The following GARIN1A variants were observed in gnomAD, a reference collection of about 807,000 sequenced individuals.
GARIN1A encodes Golgi-associated RAB2 interactor protein 1A.
chr7:128,695,566 A>C, the GARIN1A span, among the ~76,000 whole-genome samples: 2 of 152,106 alleles, frequency 1.3e-5, no homozygotes, highest in Non-Finnish European at 1.5e-5. This position sits in a 1 kb window ranked among gnomAD's most constrained non-coding sequence, Gnocchi z 4.5. Context: ...TTGAGACGGG[A>C]GTCTTGCTCT....
At chr7:128,690,904 G>T in the GARIN1A span, 3 of 152,076 alleles carry the variant, frequency 2.0e-5, no homozygotes, top group Admixed American at 6.6e-5. Context: ...ATACATCTCC[G>T]CAAAGATCAA....
chr7:128,700,292 T>TG, the GARIN1A span, among the ~76,000 whole-genome samples: 1 of 151,378 alleles, frequency 6.6e-6, no homozygotes, highest in Non-Finnish European at 1.5e-5. Flanking sequence ...TTGTTTTTTT[T>TG]TTTTTTGAAA....
the GARIN1A span, among the ~76,000 whole-genome samples, chr7:128,697,109 T>C: frequency 1.3e-5 from 2 of 152,062 alleles, no homozygotes; most frequent in Admixed American, 6.5e-5. Context: ...AAAACCTATT[T>C]AATAAGTGGG....
the GARIN1A span, among the ~76,000 whole-genome samples, chr7:128,707,347 G>T: frequency 6.6e-6 from 1 of 151,872 alleles, no homozygotes; most frequent in African/African-American, 2.4e-5. Flanking sequence ...TAAATCTCTA[G>T]AACTCATTCA....
At chr7:128,701,367 GAGGGGAAGGGGAGGGA>G in the GARIN1A span, among the ~76,000 whole-genome samples, 3 of 40,942 alleles carry the variant, frequency 7.3e-5, no homozygotes, top group Non-Finnish European at 1.5e-4. Flanking sequence ...AAGGGGAGGG[GAGGGGAAGGGGAGGGA>G]GAGGGGAGGG....
chr7:128,692,248 C>T, the GARIN1A span, among the ~76,000 whole-genome samples: 1 of 152,126 alleles, frequency 6.6e-6, no homozygotes, highest in Non-Finnish European at 1.5e-5. Context: ...TGTGTACCTG[C>T]CAGTGCCTGG....
chr7:128,703,157 A>G, the GARIN1A span, among the ~76,000 whole-genome samples: 1 of 152,260 alleles, frequency 6.6e-6, no homozygotes, highest in Non-Finnish European at 1.5e-5. Flanking sequence ...ATCAGTAAAA[A>G]TACAGAAAAT....
chr7:128,675,209 CA>C, the GARIN1A span, among the ~76,000 whole-genome samples: 12 of 152,212 alleles, frequency 7.9e-5, no homozygotes, highest in Non-Finnish European at 8.8e-5. Context: ...ATAGCCCCTC[CA>C]TCATCCTGGG....
the GARIN1A span, chr7:128,672,181 CTT>C: frequency 9.1e-6 from 4 of 441,890 alleles, no homozygotes; most frequent in East Asian, 3.8e-5. Context: ...CCTTCCTCTT[CTT>C]TTTTTTTTCC....
the GARIN1A span, among the ~76,000 whole-genome samples, chr7:128,705,844 C>T: frequency 1.3e-5 from 2 of 151,716 alleles, no homozygotes; most frequent in Admixed American, 1.3e-4. Context: ...TTTGTAGAGA[C>T]AGGGTCTCGC....
the GARIN1A span, among the ~76,000 whole-genome samples, chr7:128,689,375 C>G: frequency 1.3e-5 from 2 of 151,888 alleles, no homozygotes; most frequent in Non-Finnish European, 2.9e-5. Flanking sequence ...TGCCCGGCCG[C>G]CCATCGTCTG....
At chr7:128,695,796 G>T in the GARIN1A span, among the ~76,000 whole-genome samples, 448 of 151,816 alleles carry the variant, frequency 3.0e-3, 2 homozygotes, top group African/African-American at 0.01. The surrounding 1 kb of genome is among the most constrained non-coding windows in gnomAD (Gnocchi z 4.5). Flanking sequence ...TGTCCGCCTC[G>T]GCCTCCCAAA....
At chr7:128,675,723 G>A in the GARIN1A span, 71 of 1,613,732 alleles carry the variant, frequency 4.4e-5, 1 homozygote, top group Admixed American at 5.3e-4. Context: ...GTCTGCCACC[G>A]TGATCCTCGG....
chr7:128,677,892 G>T, the GARIN1A span: 1 of 1,220,648 alleles, frequency 8.2e-7, no homozygotes, highest in South Asian at 1.6e-5. Flanking sequence ...TATATATATA[G>T]ACTTGTTTCC....
the GARIN1A span, chr7:128,687,872 A>G: frequency 1.3e-5 from 2 of 152,146 alleles, no homozygotes; most frequent in Non-Finnish European, 2.9e-5. Flanking sequence ...GTTTTGGTTC[A>G]TTGAATCTCT....
At chr7:128,695,180 C>T in the GARIN1A span, among the ~76,000 whole-genome samples, 1 of 152,214 alleles carries the variant, frequency 6.6e-6, no homozygotes, top group Non-Finnish European at 1.5e-5. The surrounding 1 kb of genome is among the most constrained non-coding windows in gnomAD (Gnocchi z 4.5). Context: ...GCTCCCATCC[C>T]ACCCCAGGCC....
At chr7:128,691,792 G>GT in the GARIN1A span, 1 of 152,426 alleles carries the variant, frequency 6.6e-6, no homozygotes. Context: ...CCCCTTTCCG[G>GT]TAACAAAACT....
chr7:128,703,743 C>T, the GARIN1A span, among the ~76,000 whole-genome samples: 1 of 151,212 alleles, frequency 6.6e-6, no homozygotes, highest in African/African-American at 2.4e-5. Context: ...TGCCACTGCA[C>T]TCCAGTGTGG....
At chr7:128,678,512 A>C in the GARIN1A span, among the ~76,000 whole-genome samples, 1 of 151,786 alleles carries the variant, frequency 6.6e-6, no homozygotes, top group Non-Finnish European at 1.5e-5. Flanking sequence ...CAATCATATG[A>C]GTGTCTGTAG....
Sources: gnomAD v4.1 joint callset for allele counts (sites outside exome capture counted in the v4.1 genomes callset) on GRCh38, gnomAD v4.1.1 for gene constraint, Gnocchi (gnomAD v3.1) non-coding constraint, MANE v1.5 for transcripts, NCBI Gene and HGNC (gene_info 2026-07-23, HGNC 2026-07-21) for gene names.